The following MINDY3 variants were observed in gnomAD, a reference collection of about 807,000 sequenced individuals.
MINDY3 encodes ubiquitin carboxyl-terminal hydrolase MINDY-3.
MINDY3 carries 38 observed loss-of-function variants against 69.2 expected under a neutral mutation model. The observed-to-expected ratio is 0.55, with a 90% CI of 0.42 to 0.72. The LOEUF (loss-of-function observed/expected upper bound fraction) is 0.72. Ranked by LOEUF, MINDY3 falls within the 30% of genes least tolerant of loss-of-function variation. The pLI, the probability that MINDY3 is intolerant of heterozygous loss-of-function variation, is 0.00. For synonymous variants in MINDY3, 192 were observed against 180.1 expected (o/e 1.07, Z -0.53); for missense variants, 522 against 519.0 (o/e 1.01, Z -0.06).
chr10:15,815,487 AAAT>A (rs1564487558), intron 10 of MINDY3, among the ~76,000 whole-genome samples: 1 of 152,224 alleles, frequency 6.6e-6, no homozygotes, highest in African/African-American at 2.4e-5. Context: ...CTACAGAAAC[AAAT>A]AATAAACTTT....
chr10:15,860,461 C>T lies in MINDY3; in HGVS notation c.-162G>A, dbSNP rs1835021246. 1.5e-6 allele frequency: 1 copy of T among 649,912 alleles called. No homozygotes were observed. The highest frequency in any genetic ancestry group is 1.7e-5 in the South Asian group (1 of 57,796). 40.3% of individuals were successfully genotyped at this position (649,912 alleles called of 1,614,324 possible). A position where few individuals can be genotyped will look rare whatever the true frequency, so the allele number is the denominator to read the frequency against. ...CTGAGAGCCACTTGCAGAGACCAAG[C>T]CTGTCAAGCCAGGTTGGGGCAGCAG... is the stretch of plus-strand genomic sequence containing the variant. On this transcript the variant is annotated 5_prime_UTR_variant, in exon 1 of 15. Transcript: ENST00000277632.
intron 4 of MINDY3, 148 bp downstream of exon 4, chr10:15,841,276 TAA>T: frequency 1.6e-6 from 1 of 622,016 alleles, no homozygotes; most frequent in East Asian, 2.9e-5. Context: ...GATATGGAAA[TAA>T]AAAATAGTGA....
chr10:15,790,789 C>T (rs1026629410), intron 11 of MINDY3, among the ~76,000 whole-genome samples: 7 of 152,130 alleles, frequency 4.6e-5, no homozygotes, highest in African/African-American at 7.2e-5. Context: ...AAATGCTCCA[C>T]GGTGTCATAT....
At chr10:15,848,124 T>A (rs1833982447) in intron 1 of MINDY3, among the ~76,000 whole-genome samples, 181 bp from the exon 2 acceptor site, 1 of 151,956 alleles carries the variant, frequency 6.6e-6, no homozygotes, top group Non-Finnish European at 1.5e-5. Flanking sequence ...CCACCCCCAC[T>A]CCCAAATGCA....
In MINDY3 at chr10:15,860,057, C is replaced by T. The variant is rs1588674362; in HGVS notation, c.94+149G>A. 1.1e-5 allele frequency: 7 copies of T among 637,410 alleles called. No individual in the cohort carries two copies. In the East Asian group the frequency reaches 1.4e-4, roughly 12 times the overall value. 39.5% of individuals were successfully genotyped at this position (637,410 alleles called of 1,614,324 possible). A position where few individuals can be genotyped will look rare whatever the true frequency, so the allele number is the denominator to read the frequency against. ...CTCTCCCCACCAAGGCAAGGCAGGG[C>T]GTGTCTAGAAAGTCCAGCTTCAGCG... On this transcript the variant is annotated intron_variant, in intron 1 of 14. Transcript: ENST00000277632.
At chr10:15,794,479 A>G (rs577678461) in intron 11 of MINDY3, among the ~76,000 whole-genome samples, 7 of 152,150 alleles carry the variant, frequency 4.6e-5, no homozygotes, top group Non-Finnish European at 8.8e-5. Flanking sequence ...ATATAGAGGC[A>G]TACTTTCTAA....
At chr10:15,844,545 A>G (rs951441127) in intron 2 of MINDY3, among the ~76,000 whole-genome samples, 13 of 152,196 alleles carry the variant, frequency 8.5e-5, no homozygotes, top group Non-Finnish European at 1.5e-4. Context: ...GCTATTTATC[A>G]AAGTTTACTT....
chr10:15,817,272 A>C (rs1839438247), intron 9 of MINDY3: 3 of 177,220 alleles, frequency 1.7e-5, no homozygotes, highest in Admixed American at 6.2e-5. Context: ...TAAAACTATA[A>C]ACTTGACGAT....
intron 4 of MINDY3, among the ~76,000 whole-genome samples, chr10:15,839,594 A>T (rs1833320531): frequency 6.6e-6 from 1 of 151,728 alleles, no homozygotes; most frequent in African/African-American, 2.4e-5. Context: ...TAGAGAAAAG[A>T]GGCAAGCAAA....
chr10:15,808,186 TAA>T (rs2131940885), intron 10 of MINDY3, among the ~76,000 whole-genome samples: 1 of 152,316 alleles, frequency 6.6e-6, no homozygotes, highest in African/African-American at 2.4e-5. Flanking sequence ...TTTAAGGTCT[TAA>T]AAGTCACAGA....
At chr10:15,803,707 T>A (rs1310038152) in intron 10 of MINDY3, among the ~76,000 whole-genome samples, 2 of 152,088 alleles carry the variant, frequency 1.3e-5, no homozygotes, top group African/African-American at 4.8e-5. Flanking sequence ...GGTCGCAGTC[T>A]AATAGAACAG....
At chr10:15,845,438 T>C (rs866327185) in intron 2 of MINDY3, among the ~76,000 whole-genome samples, 107 of 152,222 alleles carry the variant, frequency 7.0e-4, no homozygotes, top group Admixed American at 2.8e-3. Context: ...CTTAATAACT[T>C]AGTTTTGACT....
At chr10:15,860,008 G>C (rs548113796) in intron 1 of MINDY3, among the ~76,000 whole-genome samples, 198 bp downstream of exon 1, 1 of 152,348 alleles carries the variant, frequency 6.6e-6, no homozygotes, top group African/African-American at 2.4e-5. Context: ...TTTAGTGGCA[G>C]CTGTAACCAT....
In MINDY3 at chr10:15,838,355, A is replaced by G; in HGVS notation, c.410-76T>C. The G allele has an allele frequency of 3.8e-6, 5 of 1,301,004 alleles. No homozygotes were observed. The East Asian group carries it at 1.3e-4, about 34-fold the overall frequency. The allele number at this position is 1,301,004 out of a possible 1,614,324, so 80.6% of individuals were successfully genotyped here. ...AAGATACACACAGCAGGCTGTAAAT[A>G]CTTTCAAGCAATCAAAACTTTCCCT... On this transcript the variant is annotated intron_variant, in intron 4 of 14. Coordinates refer to ENST00000277632, the MANE Select transcript of MINDY3 (RefSeq NM_024948.4).
At chr10:15,800,885 G>C (rs1041791763) in intron 10 of MINDY3, among the ~76,000 whole-genome samples, 4 of 152,112 alleles carry the variant, frequency 2.6e-5, no homozygotes, top group Non-Finnish European at 5.9e-5. Context: ...GGTTGCTATA[G>C]GAAAGGCACA....
In MINDY3 at chr10:15,789,458, G is replaced by C. The variant is rs1368398392; in HGVS notation, c.956-139C>G. On this transcript the variant is annotated intron_variant, in intron 11 of 14. Coordinates refer to ENST00000277632, the MANE Select transcript of MINDY3 (RefSeq NM_024948.4). Reference sequence around the variant, plus strand: ...CATACTATTCCTTAAGTTTATTTTAGGCATAGTGCCTATTGCTATTAGAGA... The same window carrying C: ...CATACTATTCCTTAAGTTTATTTTACGCATAGTGCCTATTGCTATTAGAGA... 1.4e-5 allele frequency: 8 copies of C among 586,078 alleles called. No individual in the cohort carries two copies. In the East Asian group the frequency reaches 2.3e-4, roughly 17 times the overall value. The allele number at this position is 586,078 out of a possible 1,614,324, so 36.3% of individuals were successfully genotyped here. A position where few individuals can be genotyped will look rare whatever the true frequency, so the allele number is the denominator to read the frequency against.
At chr10:15,846,095 T>A (rs1833824516) in intron 2 of MINDY3, among the ~76,000 whole-genome samples, 1 of 152,154 alleles carries the variant, frequency 6.6e-6, no homozygotes, top group Admixed American at 6.5e-5. Context: ...AGTGCTGGGA[T>A]TACAGGCATG....
intron 8 of MINDY3, among the ~76,000 whole-genome samples, chr10:15,830,071 A>G (rs1179870018): frequency 5.9e-5 from 9 of 152,204 alleles, no homozygotes; most frequent in African/African-American, 1.9e-4. Flanking sequence ...TAAGGTACAA[A>G]TAACTAGCAG....
chr10:15,797,437 A>G (rs533462188), intron 10 of MINDY3, among the ~76,000 whole-genome samples: 37 of 152,114 alleles, frequency 2.4e-4, no homozygotes, highest in Non-Finnish European at 5.1e-4. Context: ...TATTTTGCTG[A>G]TAATGTATAC....
Sources: gnomAD v4.1 joint callset for allele counts (sites outside exome capture counted in the v4.1 genomes callset) on GRCh38, gnomAD v4.1.1 for gene constraint, MANE v1.5 for transcripts, NCBI Gene and HGNC (gene_info 2026-07-23, HGNC 2026-07-21) for gene names.